The following CDK5RAP2 variants were observed in gnomAD, a reference collection of about 807,000 sequenced individuals.
CDK5RAP2 encodes CDK5 regulatory subunit associated protein 2, also known as CDK5 regulatory subunit-associated protein 2.
In CDK5RAP2, 147 loss-of-function variants were observed where a neutral mutation model predicts 232.9. The ratio of observed to expected loss-of-function variants is 0.63; its 90% CI spans 0.55 to 0.72. CDK5RAP2 has a LOEUF of 0.72. Ranked by LOEUF, CDK5RAP2 falls within the 30% of genes least tolerant of loss-of-function variation. CDK5RAP2 has a pLI of 0.00. For synonymous variants in CDK5RAP2, 833 were observed against 833.7 expected, an observed-to-expected ratio of 1.00 and a Z score of 0.01; for missense variants, 2,195 against 2,231.5, an observed-to-expected ratio of 0.98 and a Z score of 0.33.
intron 28 of CDK5RAP2, among the ~76,000 whole-genome samples, chr9:120,413,828 G>C (rs12348417): frequency 6.0e-5 from 6 of 100,280 alleles, no homozygotes; most frequent in African/African-American, 2.6e-4. Flanking sequence ...GAGGGAGGAG[G>C]GAGGAGGGAG....
chr9:120,408,861 A>C (rs1462035390), intron 30 of CDK5RAP2, among the ~76,000 whole-genome samples: 3 of 152,276 alleles, frequency 2.0e-5, no homozygotes, highest in African/African-American at 7.2e-5. Flanking sequence ...TCCTCACTGC[A>C]TTCAGCTCTC....
intron 32 of CDK5RAP2, among the ~76,000 whole-genome samples, chr9:120,404,501 G>A (rs2033299490): frequency 6.6e-6 from 1 of 152,240 alleles, no homozygotes. Context: ...CCTATGGTAA[G>A]AAGGAGGGAA....
At chr9:120,572,614 G>A (rs1322462573) in intron 1 of CDK5RAP2, among the ~76,000 whole-genome samples, 1 of 152,186 alleles carries the variant, frequency 6.6e-6, no homozygotes, top group Non-Finnish European at 1.5e-5. Context: ...TAAATTCAGT[G>A]AGGATCTGGA....
At chr9:120,563,094 C>G (rs1323334814) in intron 3 of CDK5RAP2, among the ~76,000 whole-genome samples, 1 of 152,080 alleles carries the variant, frequency 6.6e-6, no homozygotes, top group South Asian at 2.1e-4. Flanking sequence ...TGCTAGAAGA[C>G]AGAATCATGA....
At chr9:120,450,399 G>A (rs1441048436) in intron 21 of CDK5RAP2, among the ~76,000 whole-genome samples, 2 of 152,024 alleles carry the variant, frequency 1.3e-5, no homozygotes, top group Non-Finnish European at 2.9e-5. Flanking sequence ...TGAGTACAAG[G>A]TTTCTTTTGG....
intron 12 of CDK5RAP2, among the ~76,000 whole-genome samples, chr9:120,507,876 C>T (rs1416778515): frequency 7.9e-6 from 1 of 127,074 alleles, no homozygotes; most frequent in Non-Finnish European, 1.6e-5. Flanking sequence ...GCTGCCTCTG[C>T]ATGGCAGGGT....
rs2038084144 is a variant in CDK5RAP2, at chr9:120,477,573, GTGCCTGGCTC to G, written c.1627-133_1627-124del. 7.6e-6 allele frequency: 6 copies of G among 789,900 alleles called. No homozygotes were observed. The East Asian group carries it at 1.5e-4, about 20-fold the overall frequency. The allele number at this position is 789,900 out of a possible 1,614,324, so 48.9% of individuals were successfully genotyped here. A position where few individuals can be genotyped will look rare whatever the true frequency, so the allele number is the denominator to read the frequency against. ...ATCAAACGAAGGTGAGAGAGGCCCTGTGCCTGGCTCTGGCTCAGGCCACAGTCAGAGAGCA... is the reference window on the plus strand; with the variant it reads ...ATCAAACGAAGGTGAGAGAGGCCCTGTGGCTCAGGCCACAGTCAGAGAGCA... On this transcript the variant is annotated intron_variant, in intron 14 of 37. Coordinates refer to ENST00000349780, the MANE Select transcript of CDK5RAP2 (RefSeq NM_018249.6).
chr9:120,435,782 G>A (rs532278396), intron 25 of CDK5RAP2, among the ~76,000 whole-genome samples: 1 of 152,200 alleles, frequency 6.6e-6, no homozygotes, highest in African/African-American at 2.4e-5. Context: ...ATAGTCCATT[G>A]AATAAAATAA....
At chr9:120,551,190 A>G (rs1159527712) in intron 3 of CDK5RAP2, among the ~76,000 whole-genome samples, 1 of 152,236 alleles carries the variant, frequency 6.6e-6, no homozygotes, top group Non-Finnish European at 1.5e-5. Context: ...AAGAAAAGGA[A>G]AAGAAGAATT....
intron 14 of CDK5RAP2, among the ~76,000 whole-genome samples, chr9:120,481,005 A>G (rs1182817559): frequency 6.6e-6 from 1 of 152,236 alleles, no homozygotes; most frequent in Non-Finnish European, 1.5e-5. Context: ...AGAGGACCTC[A>G]GAGAAGAGTG....
intron 12 of CDK5RAP2, among the ~76,000 whole-genome samples, chr9:120,511,800 C>T (rs1322066544): frequency 4.7e-5 from 7 of 147,744 alleles, no homozygotes; most frequent in African/African-American, 1.0e-4. Context: ...TGTAGTGGCA[C>T]GATCTCAGCT....
chr9:120,538,633 T>G (rs1456114280), intron 6 of CDK5RAP2, among the ~76,000 whole-genome samples: 2 of 152,288 alleles, frequency 1.3e-5, no homozygotes, highest in East Asian at 3.9e-4. Context: ...GTTAGGTAAG[T>G]CATTTCCCTT....
rs12336960 is a variant in CDK5RAP2 at position 120,515,672 on chromosome 9, T to C, written c.1311+2755A>G. Among the ~76,000 whole-genome samples the C allele has an allele frequency of 6.0e-3, 913 of 152,314 alleles. 6 individuals carry two copies. Among genetic ancestry groups the C allele is most frequent in the African/African-American group, 0.02 (833 of 41,566 alleles). On this transcript the variant is annotated intron_variant, in intron 12 of 37. Transcript: ENST00000349780. ...CAACATAATTAACCAGTATAAAATA[T>C]TGGCCAGGTGCCAACCCCATCAAAA...
chr9:120,538,059 G>C (rs555302501), intron 6 of CDK5RAP2, among the ~76,000 whole-genome samples: 13 of 152,302 alleles, frequency 8.5e-5, no homozygotes, highest in African/African-American at 2.4e-4. Flanking sequence ...CTAAAATTCA[G>C]AATTTGTGAT....
Position 120,463,240 on chromosome 9 carries a change from G to A in CDK5RAP2, c.2107-2573C>T, listed in dbSNP as rs540639277. 5.9e-5 allele frequency among the ~76,000 whole-genome samples: 9 copies of A among 152,170 alleles called. 1 individual carries two copies. The South Asian group carries it at 1.2e-3, about 21-fold the overall frequency. On this transcript the variant is annotated intron_variant, in intron 18 of 37. Coordinates refer to ENST00000349780, the MANE Select transcript of CDK5RAP2 (RefSeq NM_018249.6). ...AAAAAAATTAGCTGGGCATGGTGGC[G>A]GGCGCCTGTAGTCCCAGCTACTTGG...
At chr9:120,495,756 G>A (rs2039174303) in intron 12 of CDK5RAP2, among the ~76,000 whole-genome samples, 35 of 79,884 alleles carry the variant, frequency 4.4e-4, no homozygotes, top group South Asian at 1.2e-3. Context: ...GGGAGGTGGG[G>A]GGGTCAGCCC....
chr9:120,453,357 TG>T, intron 21 of CDK5RAP2, 98 bp downstream of exon 21: 1 of 1,122,922 alleles, frequency 8.9e-7, no homozygotes, highest in Non-Finnish European at 1.3e-6. Context: ...TGGACATTCT[TG>T]TCATATAAAT....
intron 14 of CDK5RAP2, among the ~76,000 whole-genome samples, chr9:120,482,302 C>T (rs2038363937): frequency 6.6e-6 from 1 of 152,194 alleles, no homozygotes; most frequent in African/African-American, 2.4e-5. Context: ...CACTGCCTGC[C>T]ACACCAGGGC....
At chr9:120,501,888 T>C (rs775253251) in intron 12 of CDK5RAP2, among the ~76,000 whole-genome samples, 7 of 152,202 alleles carry the variant, frequency 4.6e-5, no homozygotes, top group Admixed American at 1.3e-4. Context: ...GCAATAGATA[T>C]CAAGGAAAGC....
Sources: gnomAD v4.1 joint callset for allele counts (sites outside exome capture counted in the v4.1 genomes callset) on GRCh38, gnomAD v4.1.1 for gene constraint, MANE v1.5 for transcripts, NCBI Gene and HGNC (gene_info 2026-07-23, HGNC 2026-07-21) for gene names.